The following PCDH15 variants were observed in gnomAD, a reference collection of about 807,000 sequenced individuals.
PCDH15 encodes the protein protocadherin related 15.
PCDH15 carries 129 observed loss-of-function variants against 178.5 expected under a neutral mutation model. The observed-to-expected ratio is 0.72, with a 90% CI of 0.63 to 0.84. The LOEUF is 0.84. Ranked by LOEUF, PCDH15 falls within the 40% of genes least tolerant of loss-of-function variation. The pLI is 0.00. For missense variants in PCDH15, 2,230 were observed against 2,099.9 expected (o/e 1.06, Z -1.21); for synonymous variants, 800 against 732.0 (o/e 1.09, Z -1.50).
chr10:55,505,962 T>G (rs1291205534), intron 2 of PCDH15, among the ~76,000 whole-genome samples: 3 of 151,358 alleles, frequency 2.0e-5, no homozygotes, highest in Non-Finnish European at 4.4e-5. Context: ...TAAATTAGGA[T>G]TAGAATGTAA....
intron 2 of PCDH15, among the ~76,000 whole-genome samples, chr10:55,007,398 C>A (rs1200698346): frequency 7.0e-6 from 1 of 143,482 alleles, no homozygotes; most frequent in African/African-American, 2.6e-5. Flanking sequence ...TAGTTAAATT[C>A]TCTTAAATAG....
In PCDH15 at chr10:54,173,320, A is replaced by G. The variant is rs560140209; in HGVS notation, c.1590+10124T>C. 7.2e-5 allele frequency among the ~76,000 whole-genome samples: 11 copies of G among 152,226 alleles called. No individual in the cohort carries two copies. The South Asian group carries it at 1.9e-3, about 26-fold the overall frequency. On this transcript the variant is annotated intron_variant, in intron 13 of 37. Transcript: ENST00000644397. The stretch of plus-strand genomic sequence containing the variant: ...CTTATGATTTGGCATCGTGCGCAAT[A>G]CTTTAAATGCTCTACACAATAAATC...
chr10:54,967,608 T>C (rs572174136), intron 2 of PCDH15, among the ~76,000 whole-genome samples: 1 of 152,300 alleles, frequency 6.6e-6, no homozygotes, highest in South Asian at 2.1e-4. Flanking sequence ...TGTATTTCTT[T>C]ACCTGATGAT....
intron 32 of PCDH15, among the ~76,000 whole-genome samples, chr10:53,820,912 A>C (rs2076237743): frequency 2.0e-5 from 3 of 152,034 alleles, no homozygotes; most frequent in Admixed American, 2.0e-4. Flanking sequence ...AGTTCAGCAA[A>C]TATCACTTCT....
Position 53,866,921 on chromosome 10 carries a change from G to T in PCDH15, c.3502-64C>A, listed in dbSNP as rs371993590. ...AGGAAAAGATAACCCTTATGAAATG[G>T]CTTACTTTTGTTTGTAAGAATGAGG... On this transcript the variant is annotated intron_variant, in intron 26 of 37. Transcript: ENST00000644397. The T allele has an allele frequency of 2.1e-3, 2,414 of 1,156,452 alleles. 8 individuals carry two copies. Among genetic ancestry groups the T allele is most frequent in the Middle Eastern group, 4.3e-3 (22 of 5,146 alleles). 71.6% of individuals were successfully genotyped at this position (1,156,452 alleles called of 1,614,324 possible). A position where few individuals can be genotyped will look rare whatever the true frequency, so the allele number is the denominator to read the frequency against.
intron 3 of PCDH15, 82 bp downstream of exon 3, chr10:54,527,730 C>G: frequency 2.6e-6 from 3 of 1,169,290 alleles, no homozygotes; most frequent in Non-Finnish European, 3.7e-6. Flanking sequence ...ATTTTAGTAC[C>G]TCTACTCATA....
chr10:54,184,203 T>C (rs1439752341), intron 12 of PCDH15, among the ~76,000 whole-genome samples: 2 of 152,190 alleles, frequency 1.3e-5, no homozygotes, highest in Non-Finnish European at 2.9e-5. Context: ...CACCACCATC[T>C]TTGTCTAAAT....
rs140736261 is a variant in PCDH15 at position 54,435,642 on chromosome 10, T to G, written c.158-56700A>C. ...CCTGAGATAAAATAGAAGCAGCTAA[T>G]AGATACACAGCACAGTGGAAAGGCA... On this transcript the variant is annotated intron_variant, in intron 3 of 37. Transcript: ENST00000644397. Among the ~76,000 whole-genome samples, 520 of 152,170 alleles carry G rather than the reference T, an allele frequency of 3.4e-3. 3 individuals carry two copies. Among genetic ancestry groups the G allele is most frequent in the African/African-American group, 0.012 (496 of 41,516 alleles).
At chr10:54,753,462 C>T (rs1327247553) in intron 1 of PCDH15, among the ~76,000 whole-genome samples, 3 of 152,006 alleles carry the variant, frequency 2.0e-5, no homozygotes, top group African/African-American at 4.8e-5. Flanking sequence ...GGATTACAGG[C>T]GTGAGCCACC....
rs111623321 is a variant in PCDH15 at position 53,939,868 on chromosome 10, C to T, written c.3233-913G>A. 4.2e-3 allele frequency among the ~76,000 whole-genome samples: 646 copies of T among 152,016 alleles called. 6 individuals are homozygous for T. Among genetic ancestry groups the T allele is most frequent in the Middle Eastern group, 6.8e-3 (2 of 294 alleles). The stretch of plus-strand genomic sequence containing the variant: ...AGAATCAAAAGAGAAAGTTTCGGGA[C>T]GGAACAGGTTGAGAAATCATAGCTT... On this transcript the variant is annotated intron_variant, in intron 24 of 37. Coordinates refer to ENST00000644397, the MANE Select transcript of PCDH15 (RefSeq NM_001384140.1).
intron 2 of PCDH15, among the ~76,000 whole-genome samples, chr10:55,548,173 C>A (rs566142130): frequency 6.7e-6 from 1 of 149,174 alleles, no homozygotes; most frequent in South Asian, 2.2e-4. Context: ...GGAGCAGAAA[C>A]GAACTGCTCC....
intron 3 of PCDH15, among the ~76,000 whole-genome samples, chr10:54,455,237 C>G (rs562321999): frequency 1.1e-4 from 17 of 152,082 alleles, no homozygotes; most frequent in African/African-American, 4.1e-4. Flanking sequence ...ATGACTAATA[C>G]AGAAAACTGG....
chr10:53,825,450 T>C (rs1375435999), intron 32 of PCDH15, among the ~76,000 whole-genome samples: 1 of 151,744 alleles, frequency 6.6e-6, no homozygotes, highest in Non-Finnish European at 1.5e-5. Flanking sequence ...AATCCTAAAA[T>C]AAAAATTTTA....
chr10:54,062,239 A>AAG (rs2094035867), intron 18 of PCDH15, among the ~76,000 whole-genome samples: 1 of 99,778 alleles, frequency 1.0e-5, no homozygotes, highest in Non-Finnish European at 2.6e-5. Flanking sequence ...AAAAAAAAAA[A>AAG]AAAAAAAAAA....
At chr10:54,473,396 G>A (rs566444559) in intron 3 of PCDH15, among the ~76,000 whole-genome samples, 50 of 152,172 alleles carry the variant, frequency 3.3e-4, no homozygotes, top group Middle Eastern at 3.4e-3. Flanking sequence ...ACTAGGGTAA[G>A]CAATGAAGAA....
intron 25 of PCDH15, among the ~76,000 whole-genome samples, chr10:53,923,995 C>A (rs2084236269): frequency 6.6e-6 from 1 of 151,674 alleles, no homozygotes; most frequent in Non-Finnish European, 1.5e-5. Flanking sequence ...TTAATTTGGT[C>A]ATTGTGAGAG....
At chr10:54,742,971 A>T (rs186017509) in intron 1 of PCDH15, among the ~76,000 whole-genome samples, 1 of 152,200 alleles carries the variant, frequency 6.6e-6, no homozygotes, top group African/African-American at 2.4e-5. Flanking sequence ...GGTAAAAGTT[A>T]CAAACTGGTC....
At chr10:55,062,417 C>T (rs187573954) in intron 2 of PCDH15, among the ~76,000 whole-genome samples, 4 of 152,100 alleles carry the variant, frequency 2.6e-5, no homozygotes, top group South Asian at 2.1e-4. Context: ...TTTGTTATAG[C>T]CATCAGAATA....
In PCDH15 at chr10:53,869,028, G is replaced by A. The variant is rs558466156; in HGVS notation, c.3502-2171C>T. Among the ~76,000 whole-genome samples the A allele has an allele frequency of 2.0e-4, 31 of 152,098 alleles. No homozygotes were observed. The South Asian group carries it at 5.8e-3, about 29-fold the overall frequency. ...TCGCTATGTTGCCTGGGCTGGTCTC[G>A]AACTCCTTGACTGAAGCAATCCTCC... On this transcript the variant is annotated intron_variant, in intron 26 of 37. Transcript: ENST00000644397.
Sources: allele counts gnomAD v4.1 joint callset (sites outside exome capture counted in the v4.1 genomes callset), GRCh38; gene constraint gnomAD v4.1.1; transcripts MANE v1.5; gene names NCBI Gene and HGNC (gene_info 2026-07-23, HGNC 2026-07-21).